The following COBL variants were observed in gnomAD, a reference collection of about 807,000 sequenced individuals.
The protein encoded by COBL is cordon-bleu WH2 repeat protein.
In COBL, 51 loss-of-function variants were observed where a neutral mutation model predicts 98.8. The ratio of observed to expected loss-of-function variants is 0.52; its 90% CI spans 0.41 to 0.65. COBL has a LOEUF of 0.65. Ranked by LOEUF, COBL falls within the 30% of genes least tolerant of loss-of-function variation. The probability of loss-of-function intolerance (pLI) is 0.00; values close to 1 mark genes in which losing one functional copy is unlikely to be tolerated. For synonymous variants in COBL, 634 were observed against 651.7 expected, an observed-to-expected ratio of 0.97 and a Z score of 0.41; for missense variants, 1,617 against 1,617.5, an observed-to-expected ratio of 1.00 and a Z score of 0.01.
chr7:51,141,552 TGAAACTA>T (rs1254901073), intron 5 of COBL, among the ~76,000 whole-genome samples: 4 of 152,094 alleles, frequency 2.6e-5, no homozygotes, highest in Admixed American at 6.5e-5. Flanking sequence ...ACTAGAAAGA[TGAAACTA>T]GAAATATGTT....
chr7:51,169,434 A>G (rs1404966126), intron 5 of COBL, among the ~76,000 whole-genome samples: 2 of 152,182 alleles, frequency 1.3e-5, no homozygotes. Context: ...CCTTAACCTT[A>G]GCAAAATAAA....
At position 51,017,545 on chromosome 7, in the gene COBL, G is replaced by A; in HGVS notation, c.*6C>T. 2 of 1,613,938 alleles carry A rather than the reference G, an allele frequency of 1.2e-6. No individual in the cohort carries two copies. Among genetic ancestry groups the A allele is most frequent in the Non-Finnish European group, 8.5e-7 (1 of 1,179,838 alleles). ...GGGTTTCTGCAATTCTCTGGCCTCT[G>A]TTCATTCACACGAGCAAGGGCACCT... On this transcript the variant is annotated 3_prime_UTR_variant, in exon 13 of 13. Transcript: ENST00000265136.
chr7:51,176,008 C>G (rs1171642195), intron 5 of COBL, among the ~76,000 whole-genome samples: 2 of 152,184 alleles, frequency 1.3e-5, no homozygotes, highest in African/African-American at 4.8e-5. Context: ...CAGTCTGGAC[C>G]TTGTATACAG....
chr7:51,178,628 C>CT (rs923601299), intron 5 of COBL, among the ~76,000 whole-genome samples: 13 of 151,274 alleles, frequency 8.6e-5, no homozygotes, highest in Admixed American at 2.0e-4. Context: ...AGTCTCTCTT[C>CT]TTTTTTTTTG....
chr7:51,230,157 A>T (rs1270142379), intron 1 of COBL, among the ~76,000 whole-genome samples: 4 of 152,140 alleles, frequency 2.6e-5, no homozygotes, highest in African/African-American at 9.6e-5. Context: ...CATCAGACAC[A>T]CACCTCCTCC....
At chr7:51,157,566 T>C (rs1583997375) in intron 5 of COBL, among the ~76,000 whole-genome samples, 1 of 152,184 alleles carries the variant, frequency 6.6e-6, no homozygotes, top group Admixed American at 6.5e-5. Flanking sequence ...CGAGTGTCTA[T>C]GTGGGGAGGG....
intron 2 of COBL, among the ~76,000 whole-genome samples, chr7:51,204,554 C>CTTT (rs540131673): frequency 7.3e-6 from 1 of 137,560 alleles, no homozygotes; most frequent in Admixed American, 7.3e-5. Context: ...AAATCAGTGG[C>CTTT]TTTTTTTTTT....
chr7:51,057,542 C>T (rs542747350), intron 7 of COBL, among the ~76,000 whole-genome samples: 7 of 152,228 alleles, frequency 4.6e-5, no homozygotes, highest in African/African-American at 1.4e-4. Context: ...TGGCACTGTG[C>T]GTCTGCTTGT....
chr7:51,135,644 T>C (rs945742331), intron 6 of COBL, among the ~76,000 whole-genome samples: 1 of 152,192 alleles, frequency 6.6e-6, no homozygotes, highest in Non-Finnish European at 1.5e-5. Flanking sequence ...AAAAAGGGGC[T>C]TTGAACCTAA....
intron 5 of COBL, among the ~76,000 whole-genome samples, chr7:51,174,690 C>T (rs1421086130): frequency 1.3e-5 from 2 of 152,164 alleles, no homozygotes; most frequent in Middle Eastern, 3.2e-3. Context: ...CAATCACTAA[C>T]CAATGTCATC....
chr7:51,029,079 C>T lies in COBL; in HGVS notation c.2017G>A (p.Glu673Lys). The T allele has an allele frequency of 6.2e-7, 1 of 1,614,182 alleles. No homozygotes were observed. Among genetic ancestry groups the T allele is most frequent in the Non-Finnish European group, 8.5e-7 (1 of 1,180,046 alleles). Residue 673 changes from glutamate (E) to lysine (K), a missense_variant, in exon 10 of 13, where the codon GAA (glutamate) becomes AAA (lysine). This residue lies in a region of COBL where 1,304 missense variants were observed against 1,282.0 expected (regional missense o/e 1.02). Coordinates refer to ENST00000265136, the MANE Select transcript of COBL (RefSeq NM_015198.5). Reference sequence around the variant, plus strand: ...GCGTTTTTATCGTTGCTGTCCTTTTCATTCACCGGTTGGGAATTCACTCTC... The same window carrying T: ...GCGTTTTTATCGTTGCTGTCCTTTTTATTCACCGGTTGGGAATTCACTCTC... ...TERVNSQPVNEKDSNDKNAAL... is the reference protein window; with the variant it reads ...TERVNSQPVNKKDSNDKNAAL...
At chr7:51,242,723 C>T (rs2129125193) in intron 1 of COBL, among the ~76,000 whole-genome samples, 1 of 152,314 alleles carries the variant, frequency 6.6e-6, no homozygotes, top group Admixed American at 6.5e-5. Flanking sequence ...TAGATACCCA[C>T]CATCTGCTCT....
chr7:51,028,810 C>G lies in COBL; in HGVS notation c.2286G>C (p.Gln762His), dbSNP rs1787867416. 1 of 1,614,108 alleles carries G rather than the reference C, an allele frequency of 6.2e-7. No homozygotes were observed. Among genetic ancestry groups the G allele is most frequent in the African/African-American group, 1.3e-5 (1 of 74,928 alleles). Reference protein sequence around the residue: ...LSSSVPEAESQPIGKVREFWR... With the variant: ...LSSSVPEAESHPIGKVREFWR... Reference sequence around the variant, plus strand: ...AGAACTCTCTGACTTTCCCAATGGGCTGAGATTCTGCTTCAGGCACAGACG... The same window carrying G: ...AGAACTCTCTGACTTTCCCAATGGGGTGAGATTCTGCTTCAGGCACAGACG... The change falls in exon 10 of 13, where the codon CAG (glutamine) becomes CAC (histidine). Residue 762 changes from glutamine (Q) to histidine (H), a missense_variant. Coordinates refer to ENST00000265136, the MANE Select transcript of COBL (RefSeq NM_015198.5).
In COBL at chr7:51,083,220, G is replaced by A. The variant is rs547872807; in HGVS notation, c.1096+1946C>T. The A allele has an allele frequency of 6.9e-6, 10 of 1,458,494 alleles. No homozygotes were observed. In the East Asian group the frequency reaches 1.0e-4, roughly 15 times the overall value. The allele number at this position is 1,458,494 out of a possible 1,614,324, so 90.3% of individuals were successfully genotyped here. On this transcript the variant is annotated intron_variant, in intron 7 of 12. Transcript: ENST00000265136. Reference sequence around the variant, plus strand: ...CTGGGAGGCTTTTGTGGCACCTGCCGTCCACCACCTATATGGAATCAACAG... The same window carrying A: ...CTGGGAGGCTTTTGTGGCACCTGCCATCCACCACCTATATGGAATCAACAG...
chr7:51,301,042 A>T (rs926645227), intron 1 of COBL, among the ~76,000 whole-genome samples: 1 of 152,080 alleles, frequency 6.6e-6, no homozygotes, highest in African/African-American at 2.4e-5. Context: ...CCTCACTGTT[A>T]AAATGGGAAG....
chr7:51,306,695 T>C (rs1802508372), intron 1 of COBL, among the ~76,000 whole-genome samples: 1 of 152,130 alleles, frequency 6.6e-6, no homozygotes, highest in Admixed American at 6.5e-5. Flanking sequence ...ACCACGTATT[T>C]CTTTGAAAAA....
chr7:51,049,438 A>G (rs1366091471), intron 7 of COBL, among the ~76,000 whole-genome samples: 1 of 152,212 alleles, frequency 6.6e-6, no homozygotes. Context: ...GAATTCCAGG[A>G]AAGAATACAT....
At chr7:51,144,657 A>G (rs2086909872) in intron 5 of COBL, among the ~76,000 whole-genome samples, 1 of 152,166 alleles carries the variant, frequency 6.6e-6, no homozygotes, top group African/African-American at 2.4e-5. Context: ...TGTTTTCATC[A>G]TCCCAAAAGG....
intron 7 of COBL, among the ~76,000 whole-genome samples, chr7:51,077,186 T>C (rs1203524146): frequency 2.0e-5 from 3 of 152,184 alleles, no homozygotes; most frequent in African/African-American, 7.2e-5. Context: ...GTGTACATGA[T>C]TAGATATCTG....
Sources: gnomAD v4.1 joint callset for allele counts (sites outside exome capture counted in the v4.1 genomes callset) on GRCh38, gnomAD v4.1.1 for gene constraint, gnomAD v4.1.1 regional missense constraint, MANE v1.5 for transcripts, NCBI Gene and HGNC (gene_info 2026-07-23, HGNC 2026-07-21) for gene names.